The following RAB40B variants were observed in gnomAD, a reference collection of about 807,000 sequenced individuals.
The protein encoded by RAB40B is RAB40B, member RAS oncogene family, also known as ras-related protein Rab-40B.
RAB40B carries 21 observed loss-of-function variants against 24.0 expected under a neutral mutation model. The ratio of observed to expected loss-of-function variants is 0.88; its 90% CI spans 0.62 to 1.26. The LOEUF is 1.26. RAB40B is among the 50% of genes most tolerant of loss of function. The probability of loss-of-function intolerance (pLI) is 0.00; values close to 1 mark genes in which losing one functional copy is unlikely to be tolerated. For missense variants in RAB40B, 348 were observed against 390.5 expected (o/e 0.89, Z 0.92); for synonymous variants, 167 against 169.8 (o/e 0.98, Z 0.13).
At chr17:82,695,197 CT>C (rs544874715) in intron 1 of RAB40B, among the ~76,000 whole-genome samples, 76 of 140,654 alleles carry the variant, frequency 5.4e-4, no homozygotes, top group Non-Finnish European at 4.9e-4. Flanking sequence ...TTCTTTCTTT[CT>C]TTTTTTTTTT....
At chr17:82,659,525 C>T in intron 4 of RAB40B, 55 bp downstream of exon 4, 1 of 1,580,562 alleles carries the variant, frequency 6.3e-7, no homozygotes, top group Non-Finnish European at 8.7e-7. Flanking sequence ...AATTCCTGGC[C>T]TGACGTCCTC....
intron 1 of RAB40B, among the ~76,000 whole-genome samples, chr17:82,681,020 C>CAAAAAAAAAAAAAAAAAAAA: frequency 1.1e-5 from 1 of 93,956 alleles, no homozygotes; most frequent in Non-Finnish European, 2.0e-5. Context: ...GACTCCATCT[C>CAAAAAAAAAAAAAAAAAAAA]AAAAAAAAAA....
intron 1 of RAB40B, among the ~76,000 whole-genome samples, chr17:82,695,259 T>A (rs2046597168): frequency 1.3e-5 from 2 of 150,884 alleles, no homozygotes; most frequent in East Asian, 3.9e-4. Context: ...TGGTGTGATC[T>A]CAGCTCACTT....
In RAB40B at chr17:82,655,420, T is replaced by C. The variant is rs934641904; in HGVS notation, c.*2443A>G. 1 of 152,132 alleles carries C rather than the reference T, an allele frequency of 6.6e-6. No homozygotes were observed. The highest frequency in any genetic ancestry group is 6.5e-5 in the Admixed American group (1 of 15,278). The allele number at this position is 152,132 out of a possible 1,614,324, so 9.4% of individuals were successfully genotyped here. On this transcript the variant is annotated 3_prime_UTR_variant, in exon 6 of 6. Coordinates refer to ENST00000571995, the MANE Select transcript of RAB40B (RefSeq NM_006822.3). ...CTTTATTTTATTCTTTCTAGGACAT[T>C]ATCAGTAGTCCCGAGGAGACATCAA...
intron 1 of RAB40B, among the ~76,000 whole-genome samples, chr17:82,694,948 T>C (rs1310930490): frequency 2.0e-5 from 3 of 151,626 alleles, no homozygotes; most frequent in Non-Finnish European, 4.4e-5. Flanking sequence ...GAAATCTAGG[T>C]GATTAAGAGG....
In RAB40B at chr17:82,658,485, GCCTA is replaced by G. The variant is rs747899908; in HGVS notation, c.565+2_565+5del. On this transcript the variant is annotated splice_donor_variant and splice_donor_5th_base_variant and intron_variant, in intron 5 of 5. Transcript: ENST00000571995. LOFTEE classifies it high-confidence loss of function. ...AGGTGGCCCCCGGAATAGCCCCTGG[GCCTA>G]CCCTTGCTCGGCCGCCAGAGCCGGT... The G allele has an allele frequency of 5.0e-6, 8 of 1,611,280 alleles. No homozygotes were observed. The South Asian group carries it at 8.8e-5, about 18-fold the overall frequency.
At chr17:82,687,257 G>C (rs746853513) in intron 1 of RAB40B, among the ~76,000 whole-genome samples, 5 of 152,194 alleles carry the variant, frequency 3.3e-5, no homozygotes, top group Non-Finnish European at 7.4e-5. Flanking sequence ...ATTAATCTAA[G>C]AGAAAATTTC....
chr17:82,670,588 G>A (rs980869245), intron 1 of RAB40B, among the ~76,000 whole-genome samples: 1 of 148,538 alleles, frequency 6.7e-6, no homozygotes, highest in African/African-American at 2.5e-5. Context: ...AGGCTGGAGT[G>A]CAGTGGCGCG....
chr17:82,669,113 G>A (rs886083922), intron 1 of RAB40B, among the ~76,000 whole-genome samples: 4 of 148,844 alleles, frequency 2.7e-5, no homozygotes, highest in African/African-American at 7.4e-5. Flanking sequence ...TAAGGTGAGA[G>A]GATCGCTTGA....
intron 1 of RAB40B, among the ~76,000 whole-genome samples, chr17:82,683,249 G>A (rs975408617): frequency 6.6e-6 from 1 of 152,126 alleles, no homozygotes; most frequent in Non-Finnish European, 1.5e-5. Flanking sequence ...TTGTGACTTT[G>A]GGTTAGGCAA....
chr17:82,690,878 C>T (rs1040636587), intron 1 of RAB40B, among the ~76,000 whole-genome samples: 1 of 151,882 alleles, frequency 6.6e-6, no homozygotes, highest in Non-Finnish European at 1.5e-5. Flanking sequence ...GGAGTGTGCA[C>T]GTTTGCCCCG....
chr17:82,667,673 G>A lies in RAB40B; in HGVS notation c.143-3117C>T, dbSNP rs1358462081. Among the ~76,000 whole-genome samples the A allele has an allele frequency of 1.3e-5, 2 of 152,140 alleles. No homozygotes were observed. Among genetic ancestry groups the A allele is most frequent in the African/African-American group, 4.8e-5 (2 of 41,430 alleles). On this transcript the variant is annotated intron_variant, in intron 1 of 5. Coordinates refer to ENST00000571995, the MANE Select transcript of RAB40B (RefSeq NM_006822.3). The surrounding 1 kb of genome is among the most constrained non-coding windows in gnomAD (Gnocchi z 4.3). ...ACAGAGACTGCCCATCACGCCACCAGGTAGATTAGACCAAGCAACACCAGA... is the reference window on the plus strand; with the variant it reads ...ACAGAGACTGCCCATCACGCCACCAAGTAGATTAGACCAAGCAACACCAGA...
chr17:82,677,934 C>CT (rs1261629082), intron 1 of RAB40B, among the ~76,000 whole-genome samples: 4 of 152,226 alleles, frequency 2.6e-5, no homozygotes, highest in African/African-American at 4.8e-5. Flanking sequence ...TCAAGTCTCT[C>CT]TTTTTTTCTC....
At chr17:82,664,974 G>C (rs907225900) in intron 1 of RAB40B, 5 of 188,916 alleles carry the variant, frequency 2.6e-5, no homozygotes, top group Non-Finnish European at 5.6e-5. Context: ...GTTTCCAAGG[G>C]AACGGGGCTA....
chr17:82,664,906 T>A (rs2046235634), intron 1 of RAB40B: 1 of 228,058 alleles, frequency 4.4e-6, no homozygotes, highest in African/African-American at 2.3e-5. Context: ...TCTGGGCTGG[T>A]CCTTCCCTCC....
At chr17:82,668,061 CGAG>C (rs1309779074) in intron 1 of RAB40B, among the ~76,000 whole-genome samples, 7 of 152,192 alleles carry the variant, frequency 4.6e-5, no homozygotes, top group African/African-American at 1.4e-4. Context: ...GTGAGCGAGA[CGAG>C]GAGGAGCTTT....
At chr17:82,669,079 T>G (rs2046299957) in intron 1 of RAB40B, among the ~76,000 whole-genome samples, 1 of 152,246 alleles carries the variant, frequency 6.6e-6, no homozygotes, top group Non-Finnish European at 1.5e-5. Context: ...GGCTCACGCC[T>G]GTAATCCCAG....
intron 1 of RAB40B, among the ~76,000 whole-genome samples, chr17:82,671,271 T>TCA (rs57190418): frequency 0.41 from 46,732 of 114,210 alleles, 9,593 homozygotes; most frequent in Middle Eastern, 0.57. Context: ...ACACACACAG[T>TCA]CACACATCCT....
intron 1 of RAB40B, among the ~76,000 whole-genome samples, chr17:82,695,702 C>T (rs1256742377): frequency 2.0e-5 from 3 of 149,876 alleles, no homozygotes; most frequent in Admixed American, 2.0e-4. Flanking sequence ...CAGAGAAGAC[C>T]CTGTCTCTGA....
Sources: gnomAD v4.1 joint callset for allele counts (sites outside exome capture counted in the v4.1 genomes callset) on GRCh38, gnomAD v4.1.1 for gene constraint, Gnocchi (gnomAD v3.1) non-coding constraint, MANE v1.5 for transcripts, NCBI Gene and HGNC (gene_info 2026-07-23, HGNC 2026-07-21) for gene names.